RSRC1: variants seen among roughly 807,000 people sequenced by gnomAD.
The protein encoded by RSRC1 is arginine and serine rich coiled-coil 1, also known as serine/Arginine-related protein 53.
In RSRC1, 39 loss-of-function variants were observed where a neutral mutation model predicts 49.1. The ratio of observed to expected loss-of-function variants is 0.79; its 90% confidence interval spans 0.61 to 1.04. The LOEUF (loss-of-function observed/expected upper bound fraction) is 1.04, where lower values mean the gene tolerates loss of function less well. Among genes scored for constraint, RSRC1 ranks in the 50% least tolerant of loss-of-function variants. RSRC1 has a pLI of 0.00. For synonymous variants in RSRC1, 143 were observed against 130.8 expected, an observed-to-expected ratio of 1.09 and a Z score of -0.63; for missense variants, 388 against 402.4, an observed-to-expected ratio of 0.96 and a Z score of 0.31.
chr3:158,184,856 A>G (rs1185431791), intron 3 of RSRC1, among the ~76,000 whole-genome samples: 3 of 152,062 alleles, frequency 2.0e-5, no homozygotes, highest in African/African-American at 7.2e-5. Flanking sequence ...ATAAGTTTCT[A>G]TTTCATATGA....
chr3:158,343,600 G>A (rs1730374106), intron 5 of RSRC1, among the ~76,000 whole-genome samples: 1 of 152,030 alleles, frequency 6.6e-6, no homozygotes, highest in Non-Finnish European at 1.5e-5. Flanking sequence ...CAGAAAGAGT[G>A]AACATATTAA....
At chr3:158,387,072 T>G in intron 6 of RSRC1, among the ~76,000 whole-genome samples, 1 of 150,750 alleles carries the variant, frequency 6.6e-6, no homozygotes, top group East Asian at 1.9e-4. Context: ...ACATTTTCAT[T>G]AAAAAAAAAG....
intron 7 of RSRC1, among the ~76,000 whole-genome samples, chr3:158,463,750 G>A (rs1291882853): frequency 6.6e-6 from 1 of 152,036 alleles, no homozygotes. Context: ...TGCAAGTATT[G>A]CATCCAAAAT....
intron 6 of RSRC1, among the ~76,000 whole-genome samples, chr3:158,444,345 A>G (rs58352503): frequency 0.072 from 10,946 of 152,210 alleles, 459 homozygotes; most frequent in South Asian, 0.13. Context: ...ACCCTCAGAA[A>G]TAATACCACA....
At chr3:158,391,492 G>C (rs1388606543) in intron 6 of RSRC1, among the ~76,000 whole-genome samples, 2 of 152,122 alleles carry the variant, frequency 1.3e-5, no homozygotes, top group Non-Finnish European at 2.9e-5. Flanking sequence ...GCTAGTAATG[G>C]TATACCAAAT....
At chr3:158,359,696 G>A (rs1241435371) in intron 6 of RSRC1, among the ~76,000 whole-genome samples, 1 of 152,174 alleles carries the variant, frequency 6.6e-6, no homozygotes, top group Non-Finnish European at 1.5e-5. Context: ...CTCCCCCAAA[G>A]CACCACAGCT....
chr3:158,217,774 A>G (rs968968466), intron 4 of RSRC1, among the ~76,000 whole-genome samples: 7 of 126,222 alleles, frequency 5.5e-5, no homozygotes, highest in South Asian at 2.5e-4. Flanking sequence ...GTGGGGGGGG[A>G]ATTGTAAATA....
chr3:158,514,748 G>A (rs1578565319), intron 7 of RSRC1, among the ~76,000 whole-genome samples: 1 of 152,086 alleles, frequency 6.6e-6, no homozygotes, highest in South Asian at 2.1e-4. Context: ...ATGTGTGGGA[G>A]TCTAAGTCTC....
chr3:158,490,390 A>G (rs1279206510), intron 7 of RSRC1, among the ~76,000 whole-genome samples: 1 of 152,150 alleles, frequency 6.6e-6, no homozygotes, highest in South Asian at 2.1e-4. Context: ...GGCCCCTTCA[A>G]TTTTTTTAAA....
chr3:158,259,963 C>G (rs916709194), intron 4 of RSRC1, among the ~76,000 whole-genome samples: 1 of 151,932 alleles, frequency 6.6e-6, no homozygotes, highest in Non-Finnish European at 1.5e-5. Context: ...CTGGGTGTCT[C>G]TCTTCAGGTA....
chr3:158,477,798 T>TTTTATATATATATA (rs1485762587), intron 7 of RSRC1, among the ~76,000 whole-genome samples: 1,085 of 89,716 alleles, frequency 0.012, 136 homozygotes, highest in African/African-American at 0.043. Context: ...CGGGAGGGAT[T>TTTTATATATATATA]TATATATATA....
intron 6 of RSRC1, among the ~76,000 whole-genome samples, chr3:158,374,294 A>C (rs1029642812): frequency 2.6e-5 from 4 of 152,140 alleles, no homozygotes; most frequent in Non-Finnish European, 5.9e-5. Flanking sequence ...TTGACTTTTC[A>C]TATAGGACTA....
At chr3:158,492,208 C>T (rs116147614) in intron 7 of RSRC1, among the ~76,000 whole-genome samples, 1,767 of 152,152 alleles carry the variant, frequency 0.012, 37 homozygotes, top group African/African-American at 0.041. Flanking sequence ...TGGGGGAATC[C>T]ACCCCTATGA....
chr3:158,270,848 C>G (rs1725479346), intron 4 of RSRC1, among the ~76,000 whole-genome samples: 1 of 152,036 alleles, frequency 6.6e-6, no homozygotes, highest in Non-Finnish European at 1.5e-5. Flanking sequence ...GTAAAACTTT[C>G]TGAACTATTT....
intron 3 of RSRC1, among the ~76,000 whole-genome samples, chr3:158,179,422 A>G (rs1258747200): frequency 4.6e-5 from 7 of 152,208 alleles, no homozygotes; most frequent in Admixed American, 3.9e-4. Flanking sequence ...TTGAAAGAAA[A>G]GATTAGGCAA....
chr3:158,170,518 T>C (rs1179155365), intron 3 of RSRC1, among the ~76,000 whole-genome samples: 1 of 152,170 alleles, frequency 6.6e-6, no homozygotes, highest in African/African-American at 2.4e-5. Flanking sequence ...GACCGAATAC[T>C]AGCAGCAACT....
intron 7 of RSRC1, among the ~76,000 whole-genome samples, chr3:158,480,518 T>C (rs1738566129): frequency 1.3e-5 from 2 of 152,104 alleles, no homozygotes; most frequent in Admixed American, 1.3e-4. Flanking sequence ...TTTTTTCTAA[T>C]TTTTATATTA....
intron 6 of RSRC1, among the ~76,000 whole-genome samples, chr3:158,369,527 A>G (rs1731953359): frequency 6.6e-6 from 1 of 152,162 alleles, no homozygotes; most frequent in Non-Finnish European, 1.5e-5. Context: ...AGGATCACTC[A>G]TTACATTTTA....
intron 5 of RSRC1, among the ~76,000 whole-genome samples, chr3:158,316,635 G>A (rs995712120): frequency 4.0e-5 from 6 of 151,088 alleles, no homozygotes; most frequent in East Asian, 2.0e-4. Context: ...TAGTAGAGAC[G>A]GGGTTTCACT....
Sources: allele counts gnomAD v4.1 joint callset (sites outside exome capture counted in the v4.1 genomes callset), GRCh38; gene constraint gnomAD v4.1.1; transcripts MANE v1.5; gene names NCBI Gene and HGNC (gene_info 2026-07-23, HGNC 2026-07-21).